Variants in ERICH1 observed in about 807,000 individuals in gnomAD.
ERICH1 encodes glutamate rich 1.
In ERICH1, 56 loss-of-function variants were observed where a neutral mutation model predicts 39.6. The observed-to-expected ratio is 1.41, with a 90% CI of 1.14 to 1.77. The LOEUF is 1.77. Among genes scored for constraint, ERICH1 ranks in the 40% most tolerant of loss-of-function variants. The probability of loss-of-function intolerance (pLI) is 0.00; values close to 1 mark genes in which losing one functional copy is unlikely to be tolerated. For missense variants in ERICH1, 826 were observed against 575.4 expected, an observed-to-expected ratio of 1.44 and a Z score of -4.45; for synonymous variants, 313 against 223.6, an observed-to-expected ratio of 1.40 and a Z score of -3.57.
chr8:707,884 G>A (rs370949826), intron 2 of ERICH1, among the ~76,000 whole-genome samples: 5 of 152,146 alleles, frequency 3.3e-5, no homozygotes, highest in Non-Finnish European at 7.4e-5. Context: ...GAAAATATTC[G>A]CAAATCAGGT....
intron 2 of ERICH1, among the ~76,000 whole-genome samples, chr8:694,373 A>G (rs1809647630): frequency 1.3e-5 from 2 of 152,216 alleles, no homozygotes; most frequent in South Asian, 4.1e-4. Context: ...TATTTTTGGA[A>G]GCTTTTAATC....
At chr8:615,396 T>A in intron 3 of ERICH1, 1 of 562,408 alleles carries the variant, frequency 1.8e-6, no homozygotes. Context: ...AGATTAGTCT[T>A]CCTAAGCCCT....
rs1229411522 is a variant in ERICH1, at chr8:627,289, A to T, written c.977-12005T>A. 9.0e-6 allele frequency: 4 copies of T among 444,636 alleles called. No individual in the cohort carries two copies. The Admixed American group carries it at 9.4e-5, about 10-fold the overall frequency. The allele number at this position is 444,636 out of a possible 1,614,324, so 27.5% of individuals were successfully genotyped here. Reference sequence around the variant, plus strand: ...ACCTTACAGGATTGAAAAGGGGTGTATAACAGGCCAGGGGCTGGCAGACGA... The same window carrying T: ...ACCTTACAGGATTGAAAAGGGGTGTTTAACAGGCCAGGGGCTGGCAGACGA... On this transcript the variant is annotated intron_variant, in intron 3 of 3. Transcript: ENST00000522706.
chr8:674,465 G>C (rs1272688220), intron 3 of ERICH1, among the ~76,000 whole-genome samples: 1 of 152,052 alleles, frequency 6.6e-6, no homozygotes, highest in African/African-American at 2.4e-5. Context: ...ACCATGCCCA[G>C]CTAATTTTTT....
intron 4 of ERICH1, among the ~76,000 whole-genome samples, chr8:669,660 C>A (rs940380896): frequency 6.6e-6 from 1 of 152,240 alleles, no homozygotes; most frequent in East Asian, 1.9e-4. Context: ...CGACTCAGGG[C>A]TACGAACAGC....
chr8:708,681 G>GATTTTTTTTTTT (rs1322766466), intron 2 of ERICH1, among the ~76,000 whole-genome samples: 1 of 65,816 alleles, frequency 1.5e-5, no homozygotes, highest in Non-Finnish European at 3.0e-5. Context: ...GGGATAATGA[G>GATTTTTTTTTTT]TTTTTTTTTT....
chr8:692,454 C>T, intron 3 of ERICH1, 24 bp downstream of exon 3: 3 of 1,613,820 alleles, frequency 1.9e-6, no homozygotes, highest in Non-Finnish European at 2.5e-6. Flanking sequence ...AGATGTCTAC[C>T]TTTCCTCCCA....
At position 668,933 on chromosome 8, in the gene ERICH1, AAGAG is replaced by A. The variant is rs1361702331; in HGVS notation, c.1064-145_1064-142del. 1.6e-5 allele frequency: 12 copies of A among 761,240 alleles called. No homozygotes were observed. The East Asian group carries it at 2.4e-4, about 15-fold the overall frequency. 47.2% of individuals were successfully genotyped at this position (761,240 alleles called of 1,614,324 possible). On this transcript the variant is annotated intron_variant, in intron 4 of 5. Transcript: ENST00000262109. ...TATCTGGGAGATGAGAAGCTACCAG[AAGAG>A]AGAATCAGAACAGAGCTCAGCACAA...
At chr8:698,682 C>T (rs1410044907) in intron 2 of ERICH1, among the ~76,000 whole-genome samples, 3 of 152,104 alleles carry the variant, frequency 2.0e-5, no homozygotes, top group Non-Finnish European at 4.4e-5. Context: ...ATGATGCGAT[C>T]ATGGCTCACT....
chr8:719,344 T>C (rs1451697486), intron 1 of ERICH1, among the ~76,000 whole-genome samples: 2 of 152,214 alleles, frequency 1.3e-5, no homozygotes, highest in East Asian at 1.9e-4. Flanking sequence ...TGACATCTCT[T>C]GGGGCAGTTA....
chr8:698,848 T>A (rs1810987517), intron 2 of ERICH1, among the ~76,000 whole-genome samples: 1 of 151,158 alleles, frequency 6.6e-6, no homozygotes, highest in Non-Finnish European at 1.5e-5. Flanking sequence ...TGCACCTCCG[T>A]CCTCCTCAGG....
chr8:711,789 G>A (rs375616930), intron 2 of ERICH1, among the ~76,000 whole-genome samples: 2 of 152,168 alleles, frequency 1.3e-5, no homozygotes, highest in Non-Finnish European at 1.5e-5. Flanking sequence ...GATCCACCGC[G>A]CCCAGTCCAG....
At chr8:662,873 G>A (rs986317333), downstream of ERICH1, among the ~76,000 whole-genome samples, 5 of 152,090 alleles carry the variant, frequency 3.3e-5, no homozygotes, top group African/African-American at 1.2e-4. Flanking sequence ...AGAAGGGAGG[G>A]CAGGGGCGGG....
intron 3 of ERICH1, among the ~76,000 whole-genome samples, chr8:684,717 A>G (rs1018649483): frequency 6.6e-6 from 1 of 152,154 alleles, no homozygotes; most frequent in African/African-American, 2.4e-5. Context: ...AAATAAAGGG[A>G]AAGAGTACAA....
chr8:695,108 G>GA (rs72370977), intron 2 of ERICH1, among the ~76,000 whole-genome samples: 35,595 of 151,902 alleles, frequency 0.23, 4,363 homozygotes, highest in East Asian at 0.42. Context: ...AGGTGTCATT[G>GA]ACCTGGCTCC....
At chr8:700,785 T>A (rs1049580275) in intron 2 of ERICH1, among the ~76,000 whole-genome samples, 1 of 152,248 alleles carries the variant, frequency 6.6e-6, no homozygotes, top group Non-Finnish European at 1.5e-5. Context: ...AGACTCTTAA[T>A]CAGCTATTCA....
chr8:671,480 C>T (rs547247203), intron 4 of ERICH1, among the ~76,000 whole-genome samples: 6 of 144,462 alleles, frequency 4.2e-5, no homozygotes, highest in East Asian at 4.3e-4. Flanking sequence ...GACCTCTGAA[C>T]GTGCCAGCCC....
At chr8:697,954 G>A (rs1366183157) in intron 2 of ERICH1, among the ~76,000 whole-genome samples, 2 of 151,902 alleles carry the variant, frequency 1.3e-5, no homozygotes, top group Non-Finnish European at 2.9e-5. Flanking sequence ...GGGCTGCAAG[G>A]GACACAAATC....
chr8:623,745 A>C (rs531372513), intron 3 of ERICH1, among the ~76,000 whole-genome samples: 1 of 152,332 alleles, frequency 6.6e-6, no homozygotes, highest in East Asian at 1.9e-4. Flanking sequence ...TAACACAAAG[A>C]CTAACTCAAA....
Sources: gnomAD v4.1 joint callset for allele counts (sites outside exome capture counted in the v4.1 genomes callset) on GRCh38, gnomAD v4.1.1 for gene constraint, MANE v1.5 for transcripts, NCBI Gene and HGNC (gene_info 2026-07-23, HGNC 2026-07-21) for gene names.